The following CDH4 variants were observed in gnomAD, a reference collection of about 807,000 sequenced individuals.
CDH4 encodes the protein cadherin 4, also known as cadherin-4.
Under a neutral mutation model 86.0 loss-of-function variants are expected in CDH4, and 33 were observed. The observed-to-expected ratio is 0.38, with a 90% CI of 0.29 to 0.51. The LOEUF (loss-of-function observed/expected upper bound fraction) is 0.51. CDH4 is among the 20% of genes least tolerant of loss of function. The pLI, the probability that CDH4 is intolerant of heterozygous loss-of-function variation, is 0.86. For synonymous variants in CDH4, 555 were observed against 549.4 expected, an observed-to-expected ratio of 1.01 and a Z score of -0.14; for missense variants, 1,114 against 1,307.4, an observed-to-expected ratio of 0.85 and a Z score of 2.28.
intron 2 of CDH4, among the ~76,000 whole-genome samples, chr20:61,529,315 G>C (rs934641239): frequency 2.6e-5 from 4 of 152,174 alleles, no homozygotes; most frequent in African/African-American, 9.7e-5. Flanking sequence ...AATAAATGGG[G>C]AACTCATAAT....
intron 2 of CDH4, among the ~76,000 whole-genome samples, chr20:61,559,266 C>T (rs2086198296): frequency 6.6e-6 from 1 of 152,028 alleles, no homozygotes; most frequent in South Asian, 2.1e-4. Context: ...TGCAGTAAGC[C>T]AAGATTGTGC....
At chr20:61,287,049 C>T (rs570233440) in intron 2 of CDH4, among the ~76,000 whole-genome samples, 36 of 152,310 alleles carry the variant, frequency 2.4e-4, no homozygotes, top group South Asian at 1.7e-3. Flanking sequence ...TCAATGGCCA[C>T]GGACTCCAGG....
chr20:61,266,702 AG>A (rs1385718501), intron 2 of CDH4, among the ~76,000 whole-genome samples: 2 of 151,758 alleles, frequency 1.3e-5, no homozygotes, highest in African/African-American at 4.8e-5. Context: ...TGCAAAGCAG[AG>A]GGGTAAGATG....
chr20:61,318,183 T>G (rs1167947163), intron 2 of CDH4, among the ~76,000 whole-genome samples: 2 of 152,178 alleles, frequency 1.3e-5, no homozygotes, highest in Admixed American at 6.5e-5. Flanking sequence ...CTAATAGATG[T>G]TAAACTGCCC....
chr20:61,633,846 C>G (rs909711342), intron 2 of CDH4, among the ~76,000 whole-genome samples: 14 of 152,210 alleles, frequency 9.2e-5, no homozygotes, highest in South Asian at 4.1e-4. Context: ...ATCTCCCCCC[C>G]AGCTGTCCAT....
At chr20:61,430,757 G>A (rs542252807) in intron 2 of CDH4, among the ~76,000 whole-genome samples, 10 of 152,158 alleles carry the variant, frequency 6.6e-5, no homozygotes, top group Non-Finnish European at 1.0e-4. Context: ...CACATTAACC[G>A]AAAATTGAAT....
chr20:61,847,588 C>G (rs1429887714), intron 5 of CDH4, among the ~76,000 whole-genome samples: 1 of 152,252 alleles, frequency 6.6e-6, no homozygotes, highest in Non-Finnish European at 1.5e-5. Context: ...TGCAAACACG[C>G]TGTGTTAGCC....
intron 2 of CDH4, among the ~76,000 whole-genome samples, chr20:61,616,293 G>A (rs1568714628): frequency 6.6e-6 from 1 of 152,242 alleles, no homozygotes; most frequent in Non-Finnish European, 1.5e-5. Flanking sequence ...GCCAGCCTCT[G>A]TGTGGGGCGG....
intron 2 of CDH4, among the ~76,000 whole-genome samples, chr20:61,672,574 G>T (rs1366759013): frequency 6.6e-6 from 1 of 152,162 alleles, no homozygotes; most frequent in Admixed American, 6.5e-5. Context: ...GAAATGAGGT[G>T]TGATTCCAAT....
chr20:61,610,752 T>C (rs1307003518), intron 2 of CDH4, among the ~76,000 whole-genome samples: 2 of 152,166 alleles, frequency 1.3e-5, no homozygotes, highest in African/African-American at 2.4e-5. Context: ...AGGTGTCTAT[T>C]TTAGTCTTTG....
At chr20:61,834,937 T>C (rs1981797069) in intron 4 of CDH4, among the ~76,000 whole-genome samples, 2 of 152,232 alleles carry the variant, frequency 1.3e-5, no homozygotes, top group Admixed American at 1.3e-4. Flanking sequence ...TCAGAGAGTC[T>C]CTCACTCTTC....
At chr20:61,444,381 CTATGTGTGTCTGTGTGTGTA>C (rs2085333132) in intron 2 of CDH4, among the ~76,000 whole-genome samples, 1 of 26,066 alleles carries the variant, frequency 3.8e-5, no homozygotes, top group Non-Finnish European at 8.4e-5. Flanking sequence ...ATGTGTGTGT[CTATGTGTGTCTGTGTGTGTA>C]TTTGTGTGTA....
At chr20:61,875,753 A>ATG (rs1983994904) in intron 7 of CDH4, among the ~76,000 whole-genome samples, 1 of 151,986 alleles carries the variant, frequency 6.6e-6, no homozygotes, top group South Asian at 2.1e-4. Flanking sequence ...GATGAGCTGC[A>ATG]CCTGGCCCTG....
At chr20:61,680,940 A>C (rs112816378) in intron 2 of CDH4, among the ~76,000 whole-genome samples, 39 of 152,324 alleles carry the variant, frequency 2.6e-4, no homozygotes, top group African/African-American at 8.4e-4. Flanking sequence ...CAGGTGGCTC[A>C]GAGGCTAGCT....
At chr20:61,929,114 T>C (rs2055077597) in intron 12 of CDH4, among the ~76,000 whole-genome samples, 1 of 152,172 alleles carries the variant, frequency 6.6e-6, no homozygotes, top group Non-Finnish European at 1.5e-5. Context: ...AAATTATTTC[T>C]TCATCCTACA....
intron 2 of CDH4, among the ~76,000 whole-genome samples, chr20:61,572,872 G>A (rs1468264070): frequency 1.3e-5 from 2 of 150,934 alleles, no homozygotes; most frequent in Non-Finnish European, 3.0e-5. Flanking sequence ...TGGATGGACA[G>A]ACAGAGGGAG....
chr20:61,292,663 G>A (rs1377486072), intron 2 of CDH4, among the ~76,000 whole-genome samples: 2 of 152,260 alleles, frequency 1.3e-5, no homozygotes, highest in Non-Finnish European at 2.9e-5. Context: ...TGGAAGTGCG[G>A]CCAGGGCTGA....
rs998981493 is a variant in CDH4, at chr20:61,614,987, A to G, written c.170-128576A>G. On this transcript the variant is annotated intron_variant, in intron 2 of 15. Transcript: ENST00000614565. The stretch of plus-strand genomic sequence containing the variant: ...GAAAACAGTGAATCCCACCCACCCC[A>G]GAACACCAGAAACCAGGTGGACCCT... 9.9e-5 allele frequency among the ~76,000 whole-genome samples: 15 copies of G among 152,132 alleles called. 1 individual carries two copies. Among genetic ancestry groups the G allele is most frequent in the African/African-American group, 3.6e-4 (15 of 41,382 alleles).
intron 3 of CDH4, among the ~76,000 whole-genome samples, chr20:61,753,041 C>T (rs1483362834): frequency 1.3e-5 from 2 of 152,156 alleles, no homozygotes; most frequent in Non-Finnish European, 2.9e-5. Context: ...ATGCAGAGGG[C>T]TACCTAACTG....
Sources: allele counts gnomAD v4.1 joint callset (sites outside exome capture counted in the v4.1 genomes callset), GRCh38; gene constraint gnomAD v4.1.1; transcripts MANE v1.5; gene names NCBI Gene and HGNC (gene_info 2026-07-23, HGNC 2026-07-21).